Variants in GLG1 observed in about 807,000 individuals in gnomAD.
GLG1 encodes the protein Golgi apparatus protein 1.
A neutral mutation model predicts 160.5 loss-of-function variants in GLG1; 38 were observed. The ratio of observed to expected loss-of-function variants is 0.24; its 90% confidence interval spans 0.18 to 0.31. The LOEUF (loss-of-function observed/expected upper bound fraction) is 0.31. Among genes scored for constraint, GLG1 ranks in the 10% least tolerant of loss-of-function variants. The pLI is 1.00. For missense variants in GLG1, 1,373 were observed against 1,505.2 expected, an observed-to-expected ratio of 0.91 and a Z score of 1.45; for synonymous variants, 644 against 543.4, an observed-to-expected ratio of 1.19 and a Z score of -2.57.
At chr16:74,473,437 CTT>C (rs11421713) in intron 13 of GLG1, among the ~76,000 whole-genome samples, 3 of 110,978 alleles carry the variant, frequency 2.7e-5, no homozygotes, top group Non-Finnish European at 3.4e-5. Context: ...TGGTCTTGAC[CTT>C]TTTTTTTTTT....
At chr16:74,600,806 C>T (rs908343753) in intron 1 of GLG1, among the ~76,000 whole-genome samples, 1 of 151,246 alleles carries the variant, frequency 6.6e-6, no homozygotes, top group African/African-American at 2.4e-5. Flanking sequence ...GAGCTGTGTT[C>T]CACCCAAATC....
At chr16:74,502,842 T>C (rs1268088490) in intron 4 of GLG1, among the ~76,000 whole-genome samples, 1 of 149,384 alleles carries the variant, frequency 6.7e-6, no homozygotes, top group East Asian at 2.0e-4. Flanking sequence ...AGTGTTGGGA[T>C]TACAGGCATG....
chr16:74,461,078 T>A (rs989486096), intron 22 of GLG1, among the ~76,000 whole-genome samples: 4 of 152,234 alleles, frequency 2.6e-5, no homozygotes, highest in Admixed American at 2.0e-4. Flanking sequence ...AATTAACATA[T>A]GTTGAACACG....
In GLG1 at chr16:74,491,121, G is replaced by T. The variant is rs140582641; in HGVS notation, c.1329C>A (p.Ser443Arg). The change falls in exon 8 of 26, where the codon AGC becomes AGA. Residue 443 changes from serine to arginine, a missense_variant. By Grantham distance (110) the Ser-to-Arg change is moderately radical. Around this residue, in one of 4 missense-constraint regions of GLG1, gnomAD observed 386 missense variants for 388.5 expected, o/e 0.99. Transcript: ENST00000422840. ...AATGGTGTTCAATCTCCCCCCGACA[G>T]CTTAGGATGATCTCAGGGCTCAGAG... ...DFSLSPEIILSCRGEIEHHCS... is the reference protein window; with the variant it reads ...DFSLSPEIILRCRGEIEHHCS... 8.9e-5 allele frequency: 144 copies of T among 1,613,772 alleles called. 1 individual carries two copies. The highest frequency in any genetic ancestry group is 3.3e-5 in the Admixed American group (2 of 59,994).
intron 1 of GLG1, among the ~76,000 whole-genome samples, chr16:74,549,217 A>G (rs1265891666): frequency 6.6e-6 from 1 of 151,680 alleles, no homozygotes; most frequent in East Asian, 1.9e-4. Context: ...TGACCACAGT[A>G]TGCTTTCTAT....
intron 1 of GLG1, among the ~76,000 whole-genome samples, chr16:74,604,417 C>CTTGGATTTCAATA (rs1958516688): frequency 6.6e-6 from 1 of 152,150 alleles, no homozygotes; most frequent in Admixed American, 6.6e-5. Context: ...CTTGAGCGTC[C>CTTGGATTTCAATA]TTGGATTTCA....
chr16:74,602,560 G>C (rs1204775094), intron 1 of GLG1, among the ~76,000 whole-genome samples: 1 of 152,204 alleles, frequency 6.6e-6, no homozygotes. Context: ...GAGGCGGGCA[G>C]ATCACGAGGT....
intron 1 of GLG1, among the ~76,000 whole-genome samples, chr16:74,603,176 C>A (rs1958484193): frequency 6.6e-6 from 1 of 151,986 alleles, no homozygotes; most frequent in African/African-American, 2.4e-5. Context: ...CTTTGGGAGA[C>A]CAAGGTGGGC....
At chr16:74,547,969 C>T (rs55960814) in intron 1 of GLG1, among the ~76,000 whole-genome samples, 40,178 of 151,372 alleles carry the variant, frequency 0.27, 5,463 homozygotes, top group Middle Eastern at 0.35. Context: ...CTCGCTCTGT[C>T]GCCCAGGCTG....
intron 1 of GLG1, among the ~76,000 whole-genome samples, chr16:74,583,968 T>G (rs1356247678): frequency 6.6e-6 from 1 of 152,170 alleles, no homozygotes; most frequent in Non-Finnish European, 1.5e-5. Context: ...AAATTTTTCC[T>G]AGGTAAGAAG....
chr16:74,568,418 C>CTT (rs57385691), intron 1 of GLG1, among the ~76,000 whole-genome samples: 5 of 130,518 alleles, frequency 3.8e-5, no homozygotes, highest in Admixed American at 2.3e-4. Context: ...AATTTTACTG[C>CTT]TTTTTTTTTT....
intron 12 of GLG1, 149 bp from the exon 13 acceptor site, chr16:74,474,781 T>G (rs1325689000): frequency 7.7e-6 from 5 of 645,250 alleles, no homozygotes; most frequent in Non-Finnish European, 1.4e-5. Context: ...CACAAAAGCT[T>G]TGTTTAATTC....
chr16:74,465,368 T>C lies in GLG1; in HGVS notation c.2667+308A>G, dbSNP rs139915044. ...AAACCAATCATTTATTTATTGCACA[T>C]CCATTTACTTGTGCCTCAGGTCAAA... is the stretch of plus-strand genomic sequence containing the variant. On this transcript the variant is annotated intron_variant, in intron 19 of 25. Coordinates refer to ENST00000422840, the MANE Select transcript of GLG1 (RefSeq NM_001145667.2). Among the ~76,000 whole-genome samples the C allele has an allele frequency of 4.9e-4, 75 of 152,322 alleles. 1 individual carries two copies. Among genetic ancestry groups the C allele is most frequent in the Middle Eastern group, 3.4e-3 (1 of 294 alleles).
intron 1 of GLG1, among the ~76,000 whole-genome samples, chr16:74,598,787 G>A (rs1958367363): frequency 6.6e-6 from 1 of 151,608 alleles, no homozygotes; most frequent in African/African-American, 2.4e-5. Context: ...GGGAGGCTGA[G>A]GCAGGAGAAT....
intron 1 of GLG1, among the ~76,000 whole-genome samples, chr16:74,558,355 T>C (rs757018064): frequency 7.9e-5 from 12 of 152,258 alleles, no homozygotes; most frequent in Non-Finnish European, 1.3e-4. Flanking sequence ...AACAGATTGC[T>C]TTCAGGTGTT....
At chr16:74,576,511 C>G (rs1367365037) in intron 1 of GLG1, among the ~76,000 whole-genome samples, 1 of 152,146 alleles carries the variant, frequency 6.6e-6, no homozygotes, top group Non-Finnish European at 1.5e-5. Flanking sequence ...CACATACAAT[C>G]TCTTGTGGTC....
chr16:74,599,103 A>T (rs1034250173), intron 1 of GLG1, among the ~76,000 whole-genome samples: 1 of 152,108 alleles, frequency 6.6e-6, no homozygotes, highest in African/African-American at 2.4e-5. Context: ...TCATCAAGAG[A>T]TTTCTTAAAA....
chr16:74,461,986 A>G, intron 22 of GLG1, 108 bp downstream of exon 22: 2 of 645,560 alleles, frequency 3.1e-6, no homozygotes, highest in Non-Finnish European at 5.5e-6. Flanking sequence ...ATGGCCTTCA[A>G]TTCACCAGAT....
chr16:74,521,417 G>A (rs1365090036), intron 2 of GLG1, among the ~76,000 whole-genome samples: 1 of 152,182 alleles, frequency 6.6e-6, no homozygotes, highest in African/African-American at 2.4e-5. Flanking sequence ...GAGACATGAT[G>A]ATGACTTGTA....
Sources: gnomAD v4.1 joint callset for allele counts (sites outside exome capture counted in the v4.1 genomes callset) on GRCh38, gnomAD v4.1.1 for gene constraint, gnomAD v4.1.1 regional missense constraint, MANE v1.5 for transcripts, NCBI Gene and HGNC (gene_info 2026-07-23, HGNC 2026-07-21) for gene names.